Variants in SLC75A1 observed in about 807,000 individuals in gnomAD.
SLC75A1 encodes the protein major facilitator superfamily domain containing 10.
the SLC75A1 span, chr4:2,931,677 T>TGTTA: frequency 1.7e-5 from 28 of 1,608,410 alleles, no homozygotes; most frequent in Non-Finnish European, 2.4e-5. Context: ...GGAGCGGGTG[T>TGTTA]GTTAGTGCAG....
chr4:2,933,416 A>T, the SLC75A1 span: 1 of 957,938 alleles, frequency 1.0e-6, no homozygotes, highest in Non-Finnish European at 1.6e-6. Context: ...GATCATGCCC[A>T]GAAGCCAGGA....
chr4:2,932,606 T>C, the SLC75A1 span: 3 of 1,613,166 alleles, frequency 1.9e-6, no homozygotes, highest in East Asian at 2.2e-5. Flanking sequence ...TTACCATGCC[T>C]TGACTGCGGG....
the SLC75A1 span, chr4:2,930,758 G>T: frequency 1.4e-6 from 2 of 1,478,588 alleles, no homozygotes; most frequent in African/African-American, 2.8e-5. Flanking sequence ...CTGGCGGGGG[G>T]TGGGGGTCAG....
chr4:2,931,067 C>T, the SLC75A1 span: 30 of 1,604,514 alleles, frequency 1.9e-5, no homozygotes, highest in South Asian at 6.7e-5. Flanking sequence ...TCACCTGAAG[C>T]GGCCACCAGG....
the SLC75A1 span, chr4:2,932,533 G>A: frequency 6.2e-7 from 1 of 1,613,154 alleles, no homozygotes; most frequent in African/African-American, 1.3e-5. Flanking sequence ...GACCACCCGA[G>A]CTGCACAGGG....
At chr4:2,932,421 A>T in the SLC75A1 span, 2 of 1,613,616 alleles carry the variant, frequency 1.2e-6, no homozygotes, top group Admixed American at 1.7e-5. Flanking sequence ...TGCGAAGAGC[A>T]GGGCAAACCA....
the SLC75A1 span, chr4:2,933,967 G>A: frequency 5.9e-6 from 9 of 1,530,462 alleles, no homozygotes; most frequent in Non-Finnish European, 7.9e-6. Context: ...CGGCGGGTCG[G>A]GTTAGCGGGG....
At chr4:2,932,226 G>A in the SLC75A1 span, 1 of 1,551,218 alleles carries the variant, frequency 6.4e-7, no homozygotes, top group African/African-American at 1.4e-5. Flanking sequence ...GGCCTCAAGG[G>A]TCCCAACACC....
chr4:2,933,288 G>C, the SLC75A1 span: 1 of 1,379,370 alleles, frequency 7.2e-7, no homozygotes, highest in Non-Finnish European at 1.0e-6. Flanking sequence ...CCAATGTCCA[G>C]CCCCGTCCTG....
the SLC75A1 span, chr4:2,931,933 A>C: frequency 1.2e-6 from 2 of 1,607,224 alleles, no homozygotes; most frequent in Non-Finnish European, 1.7e-6. Context: ...CAGGCTGCTG[A>C]GCCCTGGGGA....
At chr4:2,932,476 G>C in the SLC75A1 span, 1 of 1,613,712 alleles carries the variant, frequency 6.2e-7, no homozygotes, top group Admixed American at 1.7e-5. Flanking sequence ...ATAGGGCCCA[G>C]GGTGAAGCCC....
At chr4:2,933,435 C>G in the SLC75A1 span, 1 of 1,045,816 alleles carries the variant, frequency 9.6e-7, no homozygotes, top group Non-Finnish European at 1.4e-6. Flanking sequence ...GACATGTGGG[C>G]AAGGGCACCA....
At chr4:2,933,803 G>A in the SLC75A1 span, 3 of 1,592,150 alleles carry the variant, frequency 1.9e-6, no homozygotes, top group Non-Finnish European at 2.6e-6. Context: ...GGCAGCAGCA[G>A]CGTGAAGGCC....
the SLC75A1 span, chr4:2,933,310 A>C: frequency 8.4e-7 from 1 of 1,186,038 alleles, no homozygotes; most frequent in African/African-American, 1.5e-5. Context: ...GGGTCCAGTC[A>C]TGCTGGGCCC....
chr4:2,933,496 G>A, the SLC75A1 span: 1 of 1,511,488 alleles, frequency 6.6e-7, no homozygotes, highest in Admixed American at 1.7e-5. Context: ...TTGGGGAGGG[G>A]CCTGGGCTGG....
At chr4:2,933,818 G>T in the SLC75A1 span, 2 of 1,590,398 alleles carry the variant, frequency 1.3e-6, no homozygotes, top group African/African-American at 2.7e-5. Context: ...AAGGCCAGGA[G>T]GTCCAGCAGG....
At chr4:2,934,082 C>G in the SLC75A1 span, 2 of 786,474 alleles carry the variant, frequency 2.5e-6, no homozygotes, top group South Asian at 1.8e-5. Flanking sequence ...AGGGGCCGTT[C>G]TGGCCTGCGC....
the SLC75A1 span, chr4:2,932,166 C>G: frequency 1.2e-4 from 193 of 1,596,464 alleles, no homozygotes; most frequent in East Asian, 2.7e-4. Context: ...GTGGGGATGG[C>G]ATTGGAGAGC....
chr4:2,934,796 C>G, the SLC75A1 span: 2 of 149,632 alleles, frequency 1.3e-5, no homozygotes, highest in African/African-American at 4.9e-5. Flanking sequence ...TCGGGACGGA[C>G]GGTCGCACAG....
Sources: gnomAD v4.1 joint callset for allele counts on GRCh38, gnomAD v4.1.1 for gene constraint, MANE v1.5 for transcripts, NCBI Gene and HGNC (gene_info 2026-07-23, HGNC 2026-07-21) for gene names.